The following CAPN14 variants were observed in gnomAD, a reference collection of about 807,000 sequenced individuals.
CAPN14 encodes the protein calpain-14.
In CAPN14, 94 loss-of-function variants were observed where a neutral mutation model predicts 101.3. The observed-to-expected ratio is 0.93, with a 90% CI of 0.79 to 1.10. CAPN14 has a LOEUF of 1.10. Ranked by LOEUF, CAPN14 falls within the 50% of genes least tolerant of loss-of-function variation. CAPN14 has a pLI of 0.00. For missense variants in CAPN14, 837 were observed against 828.4 expected (o/e 1.01, Z -0.13); for synonymous variants, 338 against 317.9 (o/e 1.06, Z -0.67).
chr2:31,191,090 C>T (rs1681153324), intron 12 of CAPN14, among the ~76,000 whole-genome samples: 2 of 152,032 alleles, frequency 1.3e-5, no homozygotes, highest in African/African-American at 4.8e-5. Flanking sequence ...GCTGTGATGG[C>T]CGTCAATATT....
upstream of CAPN14, among the ~76,000 whole-genome samples, chr2:31,219,691 T>C (rs979456266): frequency 7.2e-5 from 11 of 152,188 alleles, no homozygotes; most frequent in East Asian, 9.6e-4. Flanking sequence ...CAGTGGAGTA[T>C]TGGAGAATGA....
chr2:31,214,833 G>A (rs1409420426), intron 1 of CAPN14, among the ~76,000 whole-genome samples: 4 of 152,200 alleles, frequency 2.6e-5, no homozygotes, highest in Admixed American at 6.5e-5. Context: ...GCACCCTGGC[G>A]TCGCTCATTG....
At chr2:31,212,133 A>G (rs1682430235) in intron 1 of CAPN14, among the ~76,000 whole-genome samples, 1 of 152,034 alleles carries the variant, frequency 6.6e-6, no homozygotes, top group African/African-American at 2.4e-5. Context: ...AACATGGCAA[A>G]ACCCCATCTC....
intron 16 of CAPN14, among the ~76,000 whole-genome samples, chr2:31,183,007 A>G (rs1431931497): frequency 6.6e-6 from 1 of 152,180 alleles, no homozygotes; most frequent in Admixed American, 6.5e-5. Context: ...AATGGAACAG[A>G]ACAGAGCCCT....
rs1680122679 is a variant in CAPN14, at chr2:31,173,077, G to A, written c.*1604C>T. The A allele has an allele frequency of 6.6e-6, 1 of 152,020 alleles. No individual in the cohort carries two copies. Among genetic ancestry groups the A allele is most frequent in the Admixed American group, 6.6e-5 (1 of 15,254 alleles). 9.4% of individuals were successfully genotyped at this position (152,020 alleles called of 1,614,324 possible). A position where few individuals can be genotyped will look rare whatever the true frequency, so the allele number is the denominator to read the frequency against. The stretch of plus-strand genomic sequence containing the variant: ...TGCCTTCAGGGGCCAAGGCAAAATT[G>A]GTTTATTAAAACAGCTATTTGCAAT... On this transcript the variant is annotated 3_prime_UTR_variant, in exon 22 of 22. Coordinates refer to ENST00000403897, the MANE Select transcript of CAPN14 (RefSeq NM_001145122.2).
chr2:31,193,366 G>A (rs1681306784), intron 9 of CAPN14, 72 bp from the exon 10 acceptor site: 2 of 1,461,150 alleles, frequency 1.4e-6, no homozygotes, highest in African/African-American at 1.4e-5. Context: ...CCATGGGGAG[G>A]GTGAAACGGA....
At position 31,203,072 on chromosome 2, in the gene CAPN14, A is replaced by G; in HGVS notation, c.293T>C (p.Val98Ala). Residue 98 changes from valine to alanine, a missense_variant and splice_region_variant, in exon 3 of 22, where the codon GTA (valine) becomes GCA (alanine). By Grantham distance (64) the Val-to-Ala change is moderately conservative (BLOSUM62 0). Transcript: ENST00000403897. ...AKRLDLCQGI[V>A]GDCWFLAALQ... ...CTCTCGGGGCTGTGCAAACTTACCT[A>G]CTATCCCCTGGCACAGATCCAGCCT... The G allele has an allele frequency of 1.3e-6, 2 of 1,551,348 alleles. No individual in the cohort carries two copies. Among genetic ancestry groups the G allele is most frequent in the Non-Finnish European group, 1.7e-6 (2 of 1,146,776 alleles).
intron 13 of CAPN14, among the ~76,000 whole-genome samples, chr2:31,188,661 TAAAA>T (rs1366343486): frequency 6.6e-6 from 1 of 151,952 alleles, no homozygotes; most frequent in Admixed American, 6.5e-5. Flanking sequence ...GGCCGAGACA[TAAAA>T]AACAAACAAA....
upstream of CAPN14, among the ~76,000 whole-genome samples, chr2:31,222,305 G>A (rs750247753): frequency 1.3e-5 from 2 of 152,092 alleles, no homozygotes; most frequent in African/African-American, 2.4e-5. Flanking sequence ...AACATTAGTC[G>A]CTTAGGTGGC....
chr2:31,195,676 C>T (rs570943409), intron 8 of CAPN14, among the ~76,000 whole-genome samples: 2 of 152,200 alleles, frequency 1.3e-5, no homozygotes, highest in Admixed American at 6.5e-5. Context: ...TACTAGAGAT[C>T]CCAGAGGGTC....
chr2:31,233,346 C>G (rs1294841310), intron 1 of CAPN14, among the ~76,000 whole-genome samples: 2 of 152,206 alleles, frequency 1.3e-5, no homozygotes, highest in African/African-American at 4.8e-5. Context: ...TGCAAATACT[C>G]CTTACGCTCC....
chr2:31,191,875 G>A, intron 11 of CAPN14, 60 bp downstream of exon 11: 1 of 1,409,700 alleles, frequency 7.1e-7, no homozygotes, highest in Non-Finnish European at 9.5e-7. Flanking sequence ...GGAAGACATG[G>A]TAACTGTTGG....
intron 17 of CAPN14, 79 bp from the exon 18 acceptor site, chr2:31,178,658 G>T: frequency 1.1e-6 from 1 of 942,590 alleles, no homozygotes; most frequent in Admixed American, 3.2e-5. Flanking sequence ...CCTCCACAAA[G>T]TGATGTGCAA....
chr2:31,207,287 AG>A (rs1370663606), intron 1 of CAPN14, among the ~76,000 whole-genome samples: 2 of 152,130 alleles, frequency 1.3e-5, no homozygotes, highest in African/African-American at 4.8e-5. Flanking sequence ...GCATTCGCTG[AG>A]ATCCCCTCAT....
rs533096648 is a variant in CAPN14, at chr2:31,224,992, C to T, written c.-53+1536G>A. ...TTCTGATTAAGAGATCCCAATGATT[C>T]GGTTTTGTAGGAGAGAGAAGACAAG... On this transcript the variant is annotated intron_variant and NMD_transcript_variant, in intron 2 of 21. Coordinates refer to the CAPN14 transcript ENST00000398824. Among the ~76,000 whole-genome samples the T allele has an allele frequency of 2.3e-4, 35 of 152,010 alleles. No homozygotes were observed. The East Asian group carries it at 4.0e-3, about 18-fold the overall frequency.
rs893289134 is a variant in CAPN14 at position 31,180,877 on chromosome 2, GCTCCAGAGTGAAGCT to G, written c.1710+44_1710+58del. On this transcript the variant is annotated intron_variant, in intron 17 of 21. Coordinates refer to ENST00000403897, the MANE Select transcript of CAPN14 (RefSeq NM_001145122.2). ...TTGGGATTCAAATATACTCTGCCTA[GCTCCAGAGTGAAGCT>G]CTCAACCAACAGCAAGCATCCACCC... The G allele has an allele frequency of 1.4e-5, 20 of 1,407,874 alleles. No homozygotes were observed. The Admixed American group carries it at 2.4e-4, about 17-fold the overall frequency. 87.2% of individuals were successfully genotyped at this position (1,407,874 alleles called of 1,614,324 possible).
intron 16 of CAPN14, among the ~76,000 whole-genome samples, chr2:31,182,509 A>G (rs1346052062): frequency 3.1e-5 from 4 of 129,764 alleles, no homozygotes. Flanking sequence ...AAATCAATGT[A>G]CAAAAATCAC....
intron 2 of CAPN14, among the ~76,000 whole-genome samples, chr2:31,203,682 G>C (rs1681916956): frequency 6.6e-6 from 1 of 152,130 alleles, no homozygotes; most frequent in African/African-American, 2.4e-5. Flanking sequence ...GCAGTTCCCA[G>C]GATTTTCTGA....
At chr2:31,194,860 G>T (rs539081864) in intron 8 of CAPN14, among the ~76,000 whole-genome samples, 1 of 152,190 alleles carries the variant, frequency 6.6e-6, no homozygotes, top group Non-Finnish European at 1.5e-5. Context: ...GGCCATGAAG[G>T]AGTAAGACTG....
Sources: allele counts gnomAD v4.1 joint callset (sites outside exome capture counted in the v4.1 genomes callset), GRCh38; gene constraint gnomAD v4.1.1; transcripts MANE v1.5; gene names NCBI Gene and HGNC (gene_info 2026-07-23, HGNC 2026-07-21).